Variants in LINGO2 observed in about 807,000 individuals in gnomAD.
The protein encoded by LINGO2 is leucine-rich repeat and immunoglobulin-like domain-containing nogo receptor-interacting protein 2.
In LINGO2, 14 loss-of-function variants were observed where a neutral mutation model predicts 30.6. The observed-to-expected ratio is 0.46, with a 90% CI of 0.30 to 0.72. The LOEUF is 0.72. LINGO2 is among the 30% of genes least tolerant of loss of function. The pLI, the probability that LINGO2 is intolerant of heterozygous loss-of-function variation, is 0.07. For synonymous variants in LINGO2, 317 were observed against 288.5 expected (o/e 1.10, Z -1.00); for missense variants, 729 against 751.7 (o/e 0.97, Z 0.35).
At chr9:29,053,743 G>A in the LINGO2 span, among the ~76,000 whole-genome samples, 1 of 151,986 alleles carries the variant, frequency 6.6e-6, no homozygotes, top group Non-Finnish European at 1.5e-5. Flanking sequence ...TTTGTCAATA[G>A]ATTGTCATTG....
At chr9:29,107,433 T>C in the LINGO2 span, among the ~76,000 whole-genome samples, 5,758 of 152,250 alleles carry the variant, frequency 0.038, 185 homozygotes, top group Admixed American at 0.076. Context: ...AGTTAAGGCT[T>C]TGGAGTCACC....
chr9:27,947,111 T>C (rs981003754), downstream of LINGO2, among the ~76,000 whole-genome samples: 2 of 152,164 alleles, frequency 1.3e-5, no homozygotes, highest in African/African-American at 4.8e-5. Context: ...CCTCTTGAAA[T>C]AGGAAAAGTA....
At chr9:28,350,006 A>G (rs1343094908) in intron 3 of LINGO2, among the ~76,000 whole-genome samples, 1 of 152,148 alleles carries the variant, frequency 6.6e-6, no homozygotes, top group East Asian at 1.9e-4. Flanking sequence ...GAAGCACTAA[A>G]CATGGAAAGG....
chr9:28,711,271 C>A, the LINGO2 span, among the ~76,000 whole-genome samples: 45,676 of 152,002 alleles, frequency 0.3, 7,188 homozygotes, highest in Admixed American at 0.45. Context: ...GCTAACCCTA[C>A]GTTTCTATCA....
intron 4 of LINGO2, among the ~76,000 whole-genome samples, chr9:28,272,821 G>C (rs1490902484): frequency 6.6e-6 from 1 of 152,024 alleles, no homozygotes; most frequent in Non-Finnish European, 1.5e-5. Context: ...CCACCAGCAA[G>C]TTTTACAGCA....
chr9:27,939,549 C>T, the LINGO2 span: 1 of 152,194 alleles, frequency 6.6e-6, no homozygotes, highest in African/African-American at 2.4e-5. Flanking sequence ...GTTCTGTGCT[C>T]AGTGAATTAA....
At chr9:28,009,093 T>C (rs1209923318) in intron 5 of LINGO2, among the ~76,000 whole-genome samples, 1 of 151,790 alleles carries the variant, frequency 6.6e-6, no homozygotes, top group Non-Finnish European at 1.5e-5. Context: ...GAATTGAGAG[T>C]CTAGAAATAA....
intron 4 of LINGO2, among the ~76,000 whole-genome samples, chr9:28,244,743 C>G (rs1261673589): frequency 1.3e-5 from 2 of 151,440 alleles, no homozygotes; most frequent in Admixed American, 6.6e-5. Flanking sequence ...CCTCCCAAAA[C>G]TAAACCAGGA....
chr9:29,121,202 T>C, the LINGO2 span, among the ~76,000 whole-genome samples: 2 of 152,144 alleles, frequency 1.3e-5, no homozygotes, highest in Non-Finnish European at 2.9e-5. Flanking sequence ...GGCTCAAATG[T>C]TGCAAGTTCA....
intron 4 of LINGO2, among the ~76,000 whole-genome samples, chr9:28,224,747 C>T (rs1821088333): frequency 6.6e-6 from 1 of 152,092 alleles, no homozygotes; most frequent in Non-Finnish European, 1.5e-5. Context: ...ATATTAATGA[C>T]ATTCTTCACA....
chr9:28,811,604 C>T, the LINGO2 span, among the ~76,000 whole-genome samples: 1 of 152,014 alleles, frequency 6.6e-6, no homozygotes, highest in Non-Finnish European at 1.5e-5. Flanking sequence ...AGCTTTTTTT[C>T]TATTCCTCAA....
intron 1 of LINGO2, among the ~76,000 whole-genome samples, chr9:28,583,775 T>A (rs570694554): frequency 1.1e-4 from 17 of 152,108 alleles, no homozygotes; most frequent in Admixed American, 1.1e-3. Context: ...CAGTAGTTGA[T>A]GCTGACATGG....
At position 28,557,353 on chromosome 9, in the gene LINGO2, T is replaced by A. The variant is rs570907167; in HGVS notation, c.-364-81328A>T. 2.5e-3 allele frequency among the ~76,000 whole-genome samples: 375 copies of A among 152,040 alleles called. 4 individuals are homozygous for A. The highest frequency in any genetic ancestry group is 8.6e-3 in the African/African-American group (358 of 41,464). ...TGGGCAAAGGACATGAACAGACACT[T>A]CTTAAAAGAAGACATTTATGCAGCC... On this transcript the variant is annotated intron_variant, in intron 1 of 5. Transcript: ENST00000379992.
At chr9:28,573,279 T>C (rs949273503) in intron 1 of LINGO2, among the ~76,000 whole-genome samples, 6 of 152,214 alleles carry the variant, frequency 3.9e-5, no homozygotes, top group Admixed American at 3.3e-4. Flanking sequence ...TATTGAAGTA[T>C]ACATGAAATT....
At chr9:28,756,032 T>C in the LINGO2 span, among the ~76,000 whole-genome samples, 34 of 152,180 alleles carry the variant, frequency 2.2e-4, 1 homozygote, top group South Asian at 1.9e-3. Flanking sequence ...TTGGGTATAA[T>C]AGGTATAACT....
chr9:28,349,791 A>G (rs923387549), intron 3 of LINGO2, among the ~76,000 whole-genome samples: 33 of 151,958 alleles, frequency 2.2e-4, no homozygotes, highest in Non-Finnish European at 4.1e-4. Context: ...TCAGACTAAC[A>G]GCGGATCTCT....
chr9:29,047,462 T>C, the LINGO2 span, among the ~76,000 whole-genome samples: 1 of 152,030 alleles, frequency 6.6e-6, no homozygotes, highest in Non-Finnish European at 1.5e-5. Context: ...AGTTCAACCG[T>C]TGTGAAAAGC....
the LINGO2 span, among the ~76,000 whole-genome samples, chr9:28,991,316 A>C: frequency 3.3e-5 from 5 of 151,630 alleles, no homozygotes; most frequent in East Asian, 9.7e-4. Context: ...GTTTAGAGAA[A>C]AAAGAATAAA....
chr9:28,900,225 C>G, the LINGO2 span, among the ~76,000 whole-genome samples: 3 of 152,158 alleles, frequency 2.0e-5, no homozygotes, highest in African/African-American at 7.2e-5. Context: ...GGCCAGTCCC[C>G]ACGGTTCCAG....
Sources: gnomAD v4.1 joint callset for allele counts (sites outside exome capture counted in the v4.1 genomes callset) on GRCh38, gnomAD v4.1.1 for gene constraint, MANE v1.5 for transcripts, NCBI Gene and HGNC (gene_info 2026-07-23, HGNC 2026-07-21) for gene names.